Variants in NRG3 observed in about 807,000 individuals in gnomAD.
NRG3 encodes the protein neuregulin 3, also known as pro-neuregulin-3, membrane-bound isoform.
In NRG3, 31 loss-of-function variants were observed where a neutral mutation model predicts 66.9. The observed-to-expected ratio is 0.46, with a 90% CI of 0.35 to 0.63. The LOEUF (loss-of-function observed/expected upper bound fraction) is 0.63, where lower values mean the gene tolerates loss of function less well. Ranked by LOEUF, NRG3 falls within the 20% of genes least tolerant of loss-of-function variation. The pLI, the probability that NRG3 is intolerant of heterozygous loss-of-function variation, is 0.00. For missense variants in NRG3, 910 were observed against 878.9 expected, an observed-to-expected ratio of 1.04 and a Z score of -0.45; for synonymous variants, 393 against 359.4, an observed-to-expected ratio of 1.09 and a Z score of -1.06.
intron 2 of NRG3, among the ~76,000 whole-genome samples, chr10:82,633,698 G>A (rs572151158): frequency 6.6e-6 from 1 of 152,286 alleles, no homozygotes; most frequent in Admixed American, 6.5e-5. Flanking sequence ...GTCTGTTCCA[G>A]CGAGCTCTGT....
At chr10:82,466,933 ACATATTGGC>A (rs1840741399) in intron 2 of NRG3, among the ~76,000 whole-genome samples, 1 of 151,960 alleles carries the variant, frequency 6.6e-6, no homozygotes, top group Admixed American at 6.6e-5. Flanking sequence ...AAAAAACAAA[ACATATTGGC>A]CATACATTTT....
At chr10:82,669,796 T>C (rs185790197) in intron 2 of NRG3, among the ~76,000 whole-genome samples, 20 of 151,720 alleles carry the variant, frequency 1.3e-4, no homozygotes, top group Admixed American at 2.6e-4. Flanking sequence ...GGCGTGGTGG[T>C]GGGCGCCTGT....
intron 1 of NRG3, among the ~76,000 whole-genome samples, chr10:81,903,744 G>A (rs1761739986): frequency 6.6e-6 from 1 of 152,070 alleles, no homozygotes; most frequent in African/African-American, 2.4e-5. Context: ...GTTGTTTCAG[G>A]GCGATGGTGC....
At chr10:82,938,530 AGCTGACTTT>A (rs1269188545) in intron 4 of NRG3, among the ~76,000 whole-genome samples, 5 of 152,242 alleles carry the variant, frequency 3.3e-5, no homozygotes. Context: ...CTATGCAAAG[AGCTGACTTT>A]GCTGATTATG....
chr10:82,495,682 G>A (rs1843561650), intron 2 of NRG3, among the ~76,000 whole-genome samples: 1 of 152,068 alleles, frequency 6.6e-6, no homozygotes, highest in South Asian at 2.1e-4. Flanking sequence ...ACAGTTAAAA[G>A]GTCTTAGCAG....
intron 2 of NRG3, among the ~76,000 whole-genome samples, chr10:82,395,010 A>G (rs543746603): frequency 4.5e-4 from 68 of 152,306 alleles, no homozygotes; most frequent in Non-Finnish European, 8.2e-4. Flanking sequence ...CAGATGTGTA[A>G]CTTGCTTTGG....
intron 3 of NRG3, among the ~76,000 whole-genome samples, chr10:82,785,422 G>A (rs894802642): frequency 1.3e-5 from 2 of 151,780 alleles, no homozygotes; most frequent in Non-Finnish European, 1.5e-5. Flanking sequence ...GAACTGTAGC[G>A]AGAGCCTACA....
chr10:82,195,421 T>C (rs1291231906), intron 1 of NRG3, among the ~76,000 whole-genome samples: 2 of 152,140 alleles, frequency 1.3e-5, no homozygotes, highest in Non-Finnish European at 2.9e-5. Context: ...AGTTTGTCAT[T>C]TATGGTGGGA....
rs1327108057 is a variant in NRG3 at position 82,065,693 on chromosome 10, A to G, written c.823+189530A>G. Among the ~76,000 whole-genome samples, 4 of 152,220 alleles carry G rather than the reference A, an allele frequency of 2.6e-5. No homozygotes were observed. The South Asian group carries it at 8.3e-4, about 31-fold the overall frequency. ...AAAAATTCTAGTTAGAAAATAAAAA[A>G]GGAGATAGTGTGTTCTGTGTCTCTA... On this transcript the variant is annotated intron_variant, in intron 1 of 8. Coordinates refer to ENST00000372141, the MANE Select transcript of NRG3 (RefSeq NM_001010848.4).
At chr10:82,964,360 G>C (rs1850992230) in intron 6 of NRG3, among the ~76,000 whole-genome samples, 4 of 152,062 alleles carry the variant, frequency 2.6e-5, no homozygotes, top group Admixed American at 2.6e-4. Flanking sequence ...ACCAAGAATA[G>C]CTCAGCTCTC....
At chr10:82,307,209 A>G (rs1000787530) in intron 1 of NRG3, among the ~76,000 whole-genome samples, 1 of 152,176 alleles carries the variant, frequency 6.6e-6, no homozygotes, top group African/African-American at 2.4e-5. Context: ...TAGGTGTGGT[A>G]TGTGACATAT....
At position 82,018,986 on chromosome 10, in the gene NRG3, G is replaced by T. The variant is rs1379864507; in HGVS notation, c.823+142823G>T. On this transcript the variant is annotated intron_variant, in intron 1 of 8. Coordinates refer to ENST00000372141, the MANE Select transcript of NRG3 (RefSeq NM_001010848.4). Reference sequence around the variant, plus strand: ...TCCAACACTATATTGAATAGGAGTGGTGAGAGAAGGCATCCCTGTCTTGTG... The same window carrying T: ...TCCAACACTATATTGAATAGGAGTGTTGAGAGAAGGCATCCCTGTCTTGTG... Among the ~76,000 whole-genome samples the T allele has an allele frequency of 3.9e-5, 6 of 152,240 alleles. No homozygotes were observed. In the East Asian group the frequency reaches 1.2e-3, roughly 29 times the overall value.
chr10:82,275,275 TC>T (rs2078787967), intron 1 of NRG3, among the ~76,000 whole-genome samples: 1 of 152,016 alleles, frequency 6.6e-6, no homozygotes. Context: ...CTTACCAGAA[TC>T]TTTCCTGAGT....
chr10:82,787,952 T>G (rs577297497), intron 3 of NRG3, among the ~76,000 whole-genome samples: 9 of 152,300 alleles, frequency 5.9e-5, no homozygotes, highest in Admixed American at 3.9e-4. Context: ...GGCCTTCTTA[T>G]GCCATACAAG....
chr10:82,173,032 GTTAAA>G (rs1428491654), intron 1 of NRG3, among the ~76,000 whole-genome samples: 1 of 152,082 alleles, frequency 6.6e-6, no homozygotes, highest in Non-Finnish European at 1.5e-5. Context: ...TGACTTTTGA[GTTAAA>G]TTAAATTTTA....
chr10:82,820,349 A>G (rs1020375032), intron 3 of NRG3, among the ~76,000 whole-genome samples: 2 of 152,184 alleles, frequency 1.3e-5, no homozygotes, highest in African/African-American at 2.4e-5. Context: ...ATAAACTTTC[A>G]GTTTTATTTT....
At chr10:82,959,100 C>G (rs201112470) in intron 6 of NRG3, 25 bp downstream of exon 6, 3 of 1,554,170 alleles carry the variant, frequency 1.9e-6, no homozygotes, top group Non-Finnish European at 2.6e-6. Context: ...TACACACCTC[C>G]TCCTATAGCC....
chr10:82,247,710 A>G (rs2077306115), intron 1 of NRG3, among the ~76,000 whole-genome samples: 1 of 152,182 alleles, frequency 6.6e-6, no homozygotes. Flanking sequence ...CTTATAGTGA[A>G]TCCTTGAAAA....
chr10:82,628,605 C>G (rs906148466), intron 2 of NRG3, among the ~76,000 whole-genome samples: 1 of 151,520 alleles, frequency 6.6e-6, no homozygotes, highest in African/African-American at 2.4e-5. Flanking sequence ...TGGTTGTTGA[C>G]TTTACTGCAA....
Sources: gnomAD v4.1 joint callset for allele counts (sites outside exome capture counted in the v4.1 genomes callset) on GRCh38, gnomAD v4.1.1 for gene constraint, MANE v1.5 for transcripts, NCBI Gene and HGNC (gene_info 2026-07-23, HGNC 2026-07-21) for gene names.